The following MYO16 variants were observed in gnomAD, a reference collection of about 807,000 sequenced individuals.
MYO16 encodes the protein myosin XVI, also known as unconventional myosin-XVI.
A neutral mutation model predicts 205.3 loss-of-function variants in MYO16; 94 were observed. The observed-to-expected ratio is 0.46, with a 90% CI of 0.39 to 0.54. The LOEUF is 0.54. Ranked by LOEUF, MYO16 falls within the 20% of genes least tolerant of loss-of-function variation. The probability of loss-of-function intolerance (pLI) is 0.00; values close to 1 mark genes in which losing one functional copy is unlikely to be tolerated. For synonymous variants in MYO16, 988 were observed against 954.0 expected (o/e 1.04, Z -0.66); for missense variants, 2,315 against 2,387.5 (o/e 0.97, Z 0.63).
At chr13:108,733,701 A>G (rs6492140) in intron 4 of MYO16, among the ~76,000 whole-genome samples, 144,750 of 152,290 alleles carry the variant, frequency 0.95, 68,940 homozygotes, top group Middle Eastern at 0.99. Context: ...GGTGGATCAC[A>G]CATGTAATCC....
chr13:108,635,121 T>C (rs1210054306), intron 1 of MYO16, among the ~76,000 whole-genome samples: 2 of 152,212 alleles, frequency 1.3e-5, no homozygotes, highest in Non-Finnish European at 2.9e-5. Flanking sequence ...ACAAGAGCAG[T>C]AACATTGAAT....
the MYO16 span, among the ~76,000 whole-genome samples, chr13:108,583,266 C>T: frequency 6.6e-6 from 1 of 152,078 alleles, no homozygotes; most frequent in African/African-American, 2.4e-5. Context: ...GATATAAAAA[C>T]TACTTTTTGG....
At chr13:108,988,803 A>G (rs1404345830) in intron 20 of MYO16, among the ~76,000 whole-genome samples, 1 of 152,140 alleles carries the variant, frequency 6.6e-6, no homozygotes, top group African/African-American at 2.4e-5. Context: ...GGGTAATCGG[A>G]CCTGAGAGCC....
At chr13:109,093,262 A>G (rs1015848916) in intron 27 of MYO16, among the ~76,000 whole-genome samples, 5 of 152,224 alleles carry the variant, frequency 3.3e-5, no homozygotes, top group African/African-American at 9.6e-5. Flanking sequence ...AAAGTGAGGC[A>G]AATGGAGCGT....
At chr13:108,978,583 C>T (rs897599623) in intron 20 of MYO16, among the ~76,000 whole-genome samples, 4 of 151,904 alleles carry the variant, frequency 2.6e-5, no homozygotes, top group Admixed American at 6.6e-5. Context: ...ACCCTGTTTG[C>T]TCATGATATA....
At chr13:108,746,547 G>A (rs6492141) in intron 4 of MYO16, among the ~76,000 whole-genome samples, 32,727 of 102,306 alleles carry the variant, frequency 0.32, 4,729 homozygotes, top group African/African-American at 0.45. Context: ...CTAGCATAAA[G>A]AAAAGGCGAC....
At chr13:109,012,558 T>C (rs1885637499) in intron 22 of MYO16, among the ~76,000 whole-genome samples, 1 of 152,110 alleles carries the variant, frequency 6.6e-6, no homozygotes, top group Non-Finnish European at 1.5e-5. Context: ...GTAATGCACT[T>C]GAATCATCCT....
chr13:108,747,731 C>T (rs1457818278), intron 4 of MYO16, among the ~76,000 whole-genome samples: 2 of 152,066 alleles, frequency 1.3e-5, no homozygotes, highest in African/African-American at 4.8e-5. Flanking sequence ...TTAAAAGAAA[C>T]AGATCATTGG....
At chr13:109,139,976 G>T (rs1047294409) in intron 31 of MYO16, among the ~76,000 whole-genome samples, 1 of 152,120 alleles carries the variant, frequency 6.6e-6, no homozygotes, top group Non-Finnish European at 1.5e-5. Flanking sequence ...GGTAGCAGCA[G>T]AAGTGGTGGT....
At chr13:108,972,844 TG>T (rs1254675988) in intron 20 of MYO16, among the ~76,000 whole-genome samples, 1 of 151,912 alleles carries the variant, frequency 6.6e-6, no homozygotes, top group Non-Finnish European at 1.5e-5. Context: ...AGGGATTTTT[TG>T]TGGGTTTTCT....
intron 20 of MYO16, 97 bp from the exon 21 acceptor site, chr13:108,992,279 G>A: frequency 1.3e-6 from 1 of 762,972 alleles, no homozygotes; most frequent in East Asian, 2.8e-5. Flanking sequence ...GCAGCAATGT[G>A]CTAAGTGGCT....
chr13:108,839,613 A>G (rs561556845), intron 9 of MYO16, among the ~76,000 whole-genome samples: 81 of 152,274 alleles, frequency 5.3e-4, no homozygotes, highest in African/African-American at 1.8e-3. Context: ...TCCTTGATAC[A>G]ATGTTTGTTG....
chr13:108,599,004 C>G (rs1315461239), intron 1 of MYO16, among the ~76,000 whole-genome samples: 1 of 121,184 alleles, frequency 8.3e-6, no homozygotes. Flanking sequence ...CCCCTCCCCC[C>G]ACCCCATCCC....
intron 27 of MYO16, among the ~76,000 whole-genome samples, chr13:109,098,390 C>T (rs1211462181): frequency 1.3e-5 from 2 of 152,084 alleles, no homozygotes; most frequent in Non-Finnish European, 2.9e-5. Context: ...TTCTGCATCC[C>T]GCCACTTGCA....
chr13:109,109,574 C>A (rs898317875), intron 28 of MYO16, among the ~76,000 whole-genome samples: 1 of 150,148 alleles, frequency 6.7e-6, no homozygotes, highest in Non-Finnish European at 1.5e-5. Context: ...GGGAGGAAGC[C>A]GAGAACACGA....
rs564619418 is a variant in MYO16, at chr13:108,819,158, T to C, written c.868-1179T>C. ...GTATGTGTGCACCAAGAGATATAAA[T>C]GAGAATACTTATGGGAACATTATTT... On this transcript the variant is annotated intron_variant, in intron 7 of 34. Coordinates refer to ENST00000457511, the MANE Select transcript of MYO16 (RefSeq NM_001198950.3). Among the ~76,000 whole-genome samples, 9 of 152,258 alleles carry C rather than the reference T, an allele frequency of 5.9e-5. No individual in the cohort carries two copies. The South Asian group carries it at 1.7e-3, about 28-fold the overall frequency.
Position 109,206,858 on chromosome 13 carries a change from A to G in MYO16, c.*22A>G. The G allele has an allele frequency of 6.3e-7, 1 of 1,597,456 alleles. No individual in the cohort carries two copies. The highest frequency in any genetic ancestry group is 8.6e-7 in the Non-Finnish European group (1 of 1,167,334). ...TTGATGTGGCCTGAACTGCAGACTT[A>G]CAAAATAGAACTGCCTACTGATTCC... On this transcript the variant is annotated 3_prime_UTR_variant, in exon 35 of 35. Coordinates refer to ENST00000457511, the MANE Select transcript of MYO16 (RefSeq NM_001198950.3).
chr13:108,852,522 A>T (rs4771616), intron 10 of MYO16, among the ~76,000 whole-genome samples: 99,909 of 151,920 alleles, frequency 0.66, 33,327 homozygotes, highest in Middle Eastern at 0.75. Flanking sequence ...CCAAAATTTT[A>T]AAAAAATGTT....
chr13:109,034,805 T>C (rs1287487862), intron 23 of MYO16, among the ~76,000 whole-genome samples: 2 of 152,140 alleles, frequency 1.3e-5, no homozygotes, highest in Non-Finnish European at 2.9e-5. Flanking sequence ...ATTTACTAAA[T>C]TTACATATAA....
Sources: allele counts gnomAD v4.1 joint callset (sites outside exome capture counted in the v4.1 genomes callset), GRCh38; gene constraint gnomAD v4.1.1; transcripts MANE v1.5; gene names NCBI Gene and HGNC (gene_info 2026-07-23, HGNC 2026-07-21).